Variants in PARP4 observed in about 807,000 individuals in gnomAD.
PARP4 encodes protein mono-ADP-ribosyltransferase PARP4.
A neutral mutation model predicts 187.7 loss-of-function variants in PARP4; 120 were observed. The observed-to-expected ratio is 0.64, with a 90% CI of 0.55 to 0.74. The LOEUF is 0.74. Among genes scored for constraint, PARP4 ranks in the 30% least tolerant of loss-of-function variants. The pLI is 0.00. For synonymous variants in PARP4, 654 were observed against 740.9 expected (o/e 0.88, Z 1.90); for missense variants, 1,836 against 2,070.5 (o/e 0.89, Z 2.20).
intron 31 of PARP4, among the ~76,000 whole-genome samples, chr13:24,433,143 G>A (rs1274260948): frequency 1.3e-5 from 2 of 152,078 alleles, no homozygotes; most frequent in Non-Finnish European, 2.9e-5. Flanking sequence ...CTTGCTTCTA[G>A]CCTTCCTAGG....
intron 25 of PARP4, among the ~76,000 whole-genome samples, chr13:24,447,894 G>A (rs941872927): frequency 4.6e-5 from 7 of 152,222 alleles, no homozygotes; most frequent in Admixed American, 4.6e-4. Context: ...TTCACACCCA[G>A]TGGGATGGCT....
intron 31 of PARP4, among the ~76,000 whole-genome samples, chr13:24,434,123 G>A (rs1453969525): frequency 6.6e-6 from 1 of 152,200 alleles, no homozygotes; most frequent in Non-Finnish European, 1.5e-5. Flanking sequence ...TTTCATGTGA[G>A]GAATAGTAAC....
chr13:24,461,180 A>G (rs886390566), intron 17 of PARP4, among the ~76,000 whole-genome samples: 2 of 152,200 alleles, frequency 1.3e-5, no homozygotes, highest in Admixed American at 6.5e-5. Context: ...GTATATTTAG[A>G]TTAGGATTAA....
chr13:24,433,560 C>T (rs568492824), intron 31 of PARP4, among the ~76,000 whole-genome samples: 19 of 152,056 alleles, frequency 1.2e-4, no homozygotes, highest in African/African-American at 4.1e-4. Flanking sequence ...CAGGAGTGGC[C>T]GTGGGATCCA....
chr13:24,481,756 T>C (rs1367656443), intron 12 of PARP4, among the ~76,000 whole-genome samples: 1 of 152,204 alleles, frequency 6.6e-6, no homozygotes, highest in Admixed American at 6.5e-5. Flanking sequence ...CCCAGGAGTC[T>C]GAGGTGGGAT....
intron 25 of PARP4, among the ~76,000 whole-genome samples, chr13:24,447,842 G>A (rs1871286921): frequency 2.0e-5 from 3 of 152,306 alleles, no homozygotes; most frequent in Admixed American, 2.0e-4. Flanking sequence ...GATGTCATTA[G>A]TCATTAGGGA....
chr13:24,458,226 C>T (rs1871992151), intron 20 of PARP4, among the ~76,000 whole-genome samples: 2 of 151,866 alleles, frequency 1.3e-5, no homozygotes, highest in South Asian at 4.2e-4. Flanking sequence ...TCTCCTGCCT[C>T]AGCCTCCCGA....
At chr13:24,458,027 C>T (rs540389751) in intron 20 of PARP4, among the ~76,000 whole-genome samples, 7 of 151,682 alleles carry the variant, frequency 4.6e-5, no homozygotes, top group South Asian at 4.2e-4. Context: ...TCTAGCACTT[C>T]GGGAAGCCAG....
Position 24,478,285 on chromosome 13 carries a change from G to C in PARP4, c.1449-9C>G. ...AGTACTTGATACTTGTACTACATGC[G>C]AAAGGAAATAAACACATATTTACAG... On this transcript the variant is annotated splice_polypyrimidine_tract_variant and intron_variant, in intron 12 of 33. Coordinates refer to ENST00000381989, the MANE Select transcript of PARP4 (RefSeq NM_006437.4). 7.0e-7 allele frequency: 1 copy of C among 1,425,370 alleles called. No homozygotes were observed. The allele number at this position is 1,425,370 out of a possible 1,614,324, so 88.3% of individuals were successfully genotyped here. A position where few individuals can be genotyped will look rare whatever the true frequency, so the allele number is the denominator to read the frequency against.
chr13:24,446,255 T>C (rs1048877873), intron 27 of PARP4, among the ~76,000 whole-genome samples: 2 of 152,190 alleles, frequency 1.3e-5, no homozygotes, highest in African/African-American at 4.8e-5. Flanking sequence ...GATGCCCATA[T>C]AGACATACCT....
At chr13:24,449,921 C>T (rs187873544) in intron 24 of PARP4, 104 bp from the exon 25 acceptor site, 60 of 616,880 alleles carry the variant, frequency 9.7e-5, no homozygotes, top group Non-Finnish European at 1.5e-4. Context: ...AGAGACATGA[C>T]GTGGGGAAGA....
rs529899673 is a variant in PARP4, at chr13:24,501,840, GA to G, written c.133-7del. 70 of 1,529,390 alleles carry G rather than the reference GA, an allele frequency of 4.6e-5. No homozygotes were observed. Among genetic ancestry groups the G allele is most frequent in the Non-Finnish European group, 5.7e-5 (63 of 1,114,842 alleles). The allele number at this position is 1,529,390 out of a possible 1,614,324, so 94.7% of individuals were successfully genotyped here. A position where few individuals can be genotyped will look rare whatever the true frequency, so the allele number is the denominator to read the frequency against. ...TCTAAGATTATATGTGTGCACTAAG[GA>G]AAAAAAGAGTCAATCCATTATGCAT... On this transcript the variant is annotated splice_region_variant and splice_polypyrimidine_tract_variant and intron_variant, in intron 2 of 33. Transcript: ENST00000381989.
intron 1 of PARP4, among the ~76,000 whole-genome samples, chr13:24,506,919 A>G (rs549181970): frequency 1.5e-3 from 226 of 152,304 alleles, no homozygotes; most frequent in African/African-American, 5.1e-3. Flanking sequence ...GAGAGCTCAG[A>G]CATGGCGGGC....
intron 22 of PARP4, 107 bp from the exon 23 acceptor site, chr13:24,453,761 T>C: frequency 1.4e-6 from 1 of 704,696 alleles, no homozygotes; most frequent in African/African-American, 1.8e-5. Context: ...TAAAGGATAT[T>C]ATATATTTAT....
intron 11 of PARP4, among the ~76,000 whole-genome samples, chr13:24,485,927 T>G (rs1237260717): frequency 6.6e-6 from 1 of 152,182 alleles, no homozygotes; most frequent in African/African-American, 2.4e-5. Context: ...CAAGTGATCC[T>G]TCTGCCTCAG....
chr13:24,465,321 A>G (rs1872403592), intron 17 of PARP4, among the ~76,000 whole-genome samples: 3 of 152,234 alleles, frequency 2.0e-5, no homozygotes, highest in Admixed American at 2.0e-4. Context: ...TCATTCCATT[A>G]TAAAGATACA....
chr13:24,454,683 G>C (rs1421622694), intron 22 of PARP4, among the ~76,000 whole-genome samples: 1 of 152,134 alleles, frequency 6.6e-6, no homozygotes, highest in Non-Finnish European at 1.5e-5. Flanking sequence ...CACTTACTGT[G>C]AACAGGCACA....
In PARP4 at chr13:24,478,185, G is replaced by C. The variant is rs750366730; in HGVS notation, c.1540C>G (p.His514Asp). ...TCAGTTAAGGAAAAGTCCTTCTCATGTAAGTCCATACACTTTCCGAGGGCT... is the reference window on the plus strand; with the variant it reads ...TCAGTTAAGGAAAAGTCCTTCTCATCTAAGTCCATACACTTTCCGAGGGCT... Reference protein sequence around the residue: ...DVALGKCMDLHEKDFSLTEAP... With the variant: ...DVALGKCMDLDEKDFSLTEAP... The change falls in exon 13 of 34, where the codon CAT (histidine) becomes GAT (aspartate). Residue 514 changes from histidine to aspartate, a missense_variant. By Grantham distance (81) the His-to-Asp change is moderately conservative. Transcript: ENST00000381989. 1.2e-6 allele frequency: 2 copies of C among 1,613,878 alleles called. No individual in the cohort carries two copies. The highest frequency in any genetic ancestry group is 1.7e-6 in the Non-Finnish European group (2 of 1,179,810).
intron 16 of PARP4, among the ~76,000 whole-genome samples, chr13:24,469,671 C>T (rs939996521): frequency 2.0e-5 from 3 of 152,176 alleles, no homozygotes; most frequent in Non-Finnish European, 4.4e-5. Flanking sequence ...GTGCAAGACA[C>T]TGAAGATGAA....
Sources: gnomAD v4.1 joint callset for allele counts (sites outside exome capture counted in the v4.1 genomes callset) on GRCh38, gnomAD v4.1.1 for gene constraint, MANE v1.5 for transcripts, NCBI Gene and HGNC (gene_info 2026-07-23, HGNC 2026-07-21) for gene names.